The following TRIO variants were observed in gnomAD, a reference collection of about 807,000 sequenced individuals.
TRIO encodes trio Rho guanine nucleotide exchange factor.
Under a neutral mutation model 351.9 loss-of-function variants are expected in TRIO, and 58 were observed. The ratio of observed to expected loss-of-function variants is 0.16; its 90% confidence interval spans 0.13 to 0.21. The LOEUF (loss-of-function observed/expected upper bound fraction) is 0.21. Ranked by LOEUF, TRIO falls within the 10% of genes least tolerant of loss-of-function variation. The pLI, the probability that TRIO is intolerant of heterozygous loss-of-function variation, is 1.00. For synonymous variants in TRIO, 1,758 were observed against 1,595.7 expected (o/e 1.10, Z -2.42); for missense variants, 3,201 against 4,027.8 (o/e 0.79, Z 5.56).
chr5:14,416,927 G>A (rs1749696337), intron 33 of TRIO, among the ~76,000 whole-genome samples: 2 of 152,190 alleles, frequency 1.3e-5, no homozygotes, highest in Admixed American at 1.3e-4. Flanking sequence ...TCTCACGTGC[G>A]CTCAGTGAAG....
intron 11 of TRIO, among the ~76,000 whole-genome samples, chr5:14,348,728 G>A (rs1742683261): frequency 6.6e-6 from 1 of 151,898 alleles, no homozygotes. Context: ...ACGCACATGA[G>A]CATGTGTTTT....
At chr5:14,350,536 T>C (rs948027484) in intron 11 of TRIO, among the ~76,000 whole-genome samples, 7 of 152,146 alleles carry the variant, frequency 4.6e-5, no homozygotes, top group Non-Finnish European at 1.0e-4. Flanking sequence ...CCTACTTGGG[T>C]GTCATCGCCA....
chr5:14,236,048 C>G (rs919741839), intron 1 of TRIO, among the ~76,000 whole-genome samples: 2 of 68,688 alleles, frequency 2.9e-5, no homozygotes, highest in African/African-American at 1.2e-4. Context: ...AAATAGATCA[C>G]CTACTTAACA....
At chr5:14,186,259 C>A (rs1051511442) in intron 1 of TRIO, among the ~76,000 whole-genome samples, 7 of 152,192 alleles carry the variant, frequency 4.6e-5, no homozygotes, top group African/African-American at 9.7e-5. Context: ...CTTCCCAACT[C>A]TCAAACATAT....
Position 14,508,623 on chromosome 5 carries a change from C to G in TRIO, c.*201C>G. ...GGGGTGGAGGACCGTCACTTACACT[C>G]TGCCCAAGGCAGAGGTCGCATTGCT... On this transcript the variant is annotated 3_prime_UTR_variant, in exon 57 of 57. Transcript: ENST00000344204. 1 of 586,276 alleles carries G rather than the reference C, an allele frequency of 1.7e-6. No individual in the cohort carries two copies. Among genetic ancestry groups the G allele is most frequent in the South Asian group, 2.8e-5 (1 of 35,480 alleles). 36.3% of individuals were successfully genotyped at this position (586,276 alleles called of 1,614,324 possible). A position where few individuals can be genotyped will look rare whatever the true frequency, so the allele number is the denominator to read the frequency against.
chr5:14,508,069 C>A lies in TRIO; in HGVS notation c.8941C>A (p.Leu2981Ile), dbSNP rs1433655618. 2 of 1,614,226 alleles carry A rather than the reference C, an allele frequency of 1.2e-6. No individual in the cohort carries two copies. Among genetic ancestry groups the A allele is most frequent in the African/African-American group, 2.7e-5 (2 of 75,066 alleles). Residue 2981 changes from leucine (L) to isoleucine (I), a missense_variant, in exon 57 of 57, where the codon CTC (leucine) becomes ATC (isoleucine). By Grantham distance (5) the Leu-to-Ile change is conservative. This residue lies in a region of TRIO where 233 missense variants were observed against 292.6 expected (regional missense o/e 0.80). Coordinates refer to ENST00000344204, the MANE Select transcript of TRIO (RefSeq NM_007118.4). ...LTSDTWSVGV[L>I]TYVLLSGVSP... is the part of the protein sequence containing the mutation. ...CTCGGATACGTGGAGTGTTGGAGTG[C>A]TCACATACGTACTTCTTAGTGGCGT...
At chr5:14,192,465 G>T (rs1337922773) in intron 1 of TRIO, among the ~76,000 whole-genome samples, 3 of 151,974 alleles carry the variant, frequency 2.0e-5, no homozygotes, top group Non-Finnish European at 4.4e-5. Context: ...GTAGAGACAA[G>T]GTCTCACTAT....
At chr5:14,182,470 C>A (rs1581293562) in intron 1 of TRIO, among the ~76,000 whole-genome samples, 3 of 152,308 alleles carry the variant, frequency 2.0e-5, no homozygotes, top group Non-Finnish European at 4.4e-5. Context: ...TTATCAAATA[C>A]AATGCAAGTT....
At chr5:14,287,096 C>A (rs770071663) in intron 4 of TRIO, 33 bp downstream of exon 4, 1 of 1,599,192 alleles carries the variant, frequency 6.3e-7, no homozygotes, top group African/African-American at 1.3e-5. Flanking sequence ...ACCCACTAAA[C>A]AAGTTGGTGT....
intron 11 of TRIO, among the ~76,000 whole-genome samples, chr5:14,346,131 G>A (rs768578024): frequency 8.5e-5 from 13 of 152,324 alleles, no homozygotes; most frequent in Non-Finnish European, 1.8e-4. Flanking sequence ...GACTGGTAAG[G>A]CTTTTTGGGT....
At chr5:14,373,777 G>A (rs975287710) in intron 18 of TRIO, among the ~76,000 whole-genome samples, 3 of 152,250 alleles carry the variant, frequency 2.0e-5, no homozygotes, top group East Asian at 3.9e-4. Flanking sequence ...TAGTTGTGAC[G>A]GAGAAACAGA....
intron 33 of TRIO, among the ~76,000 whole-genome samples, chr5:14,411,979 C>T (rs1179194496): frequency 2.7e-5 from 4 of 146,346 alleles, no homozygotes; most frequent in South Asian, 2.1e-4. Context: ...TGTTTTTTTT[C>T]TTTCTTTCTT....
At chr5:14,461,800 A>G (rs752370609) in intron 35 of TRIO, among the ~76,000 whole-genome samples, 171 of 152,234 alleles carry the variant, frequency 1.1e-3, no homozygotes, top group Non-Finnish European at 1.9e-3. Flanking sequence ...GTTTTTCCCC[A>G]ATATTTATTA....
chr5:14,466,574 A>G (rs1465986360), intron 37 of TRIO: 5 of 152,204 alleles, frequency 3.3e-5, no homozygotes, highest in Non-Finnish European at 7.3e-5. Context: ...AAAACCACCA[A>G]TGGTAACAAC....
chr5:14,299,410 G>A (rs565699380), intron 7 of TRIO, among the ~76,000 whole-genome samples: 12 of 152,162 alleles, frequency 7.9e-5, no homozygotes, highest in African/African-American at 2.9e-4. Flanking sequence ...GGAGCCCAGC[G>A]TGTATTCCAG....
At position 14,286,148 on chromosome 5, in the gene TRIO, C is replaced by T. The variant is rs1288514374; in HGVS notation, c.348-723C>T. Among the ~76,000 whole-genome samples the T allele has an allele frequency of 1.3e-5, 2 of 152,038 alleles. No homozygotes were observed. The highest frequency in any genetic ancestry group is 2.9e-5 in the Non-Finnish European group (2 of 68,004). On this transcript the variant is annotated intron_variant, in intron 3 of 56. Transcript: ENST00000344204. This position sits in a 1 kb window ranked among gnomAD's most constrained non-coding sequence, Gnocchi z 4.4. Reference sequence around the variant, plus strand: ...AAGAACATAGTGACTCCCAGCACTGCCTTGACGTGTGTCAGAGGCCAGCAG... The same window carrying T: ...AAGAACATAGTGACTCCCAGCACTGTCTTGACGTGTGTCAGAGGCCAGCAG...
At chr5:14,348,056 G>C (rs1940640078) in intron 11 of TRIO, among the ~76,000 whole-genome samples, 1 of 152,202 alleles carries the variant, frequency 6.6e-6, no homozygotes, top group Non-Finnish European at 1.5e-5. Context: ...TCCTTCCACT[G>C]TGGTGACCAA....
At chr5:14,246,926 T>A (rs1794473713) in intron 1 of TRIO, among the ~76,000 whole-genome samples, 1 of 152,148 alleles carries the variant, frequency 6.6e-6, no homozygotes, top group African/African-American at 2.4e-5. Flanking sequence ...CTGGAGGTGC[T>A]CCCCTCTCCA....
At chr5:14,173,427 G>A (rs1054595974) in intron 1 of TRIO, among the ~76,000 whole-genome samples, 5 of 151,972 alleles carry the variant, frequency 3.3e-5, no homozygotes, top group East Asian at 1.9e-4. Context: ...GGTCAGGCTC[G>A]TCTCCAACTC....
Sources: allele counts gnomAD v4.1 joint callset (sites outside exome capture counted in the v4.1 genomes callset), GRCh38; gene constraint gnomAD v4.1.1; regional missense constraint gnomAD v4.1.1; non-coding constraint Gnocchi (gnomAD v3.1); transcripts MANE v1.5; gene names NCBI Gene and HGNC (gene_info 2026-07-23, HGNC 2026-07-21).